The following STK3 variants were observed in gnomAD, a reference collection of about 807,000 sequenced individuals.
STK3 encodes serine/threonine kinase 3.
Under a neutral mutation model 58.0 loss-of-function variants are expected in STK3, and 41 were observed. That is an observed-to-expected ratio of 0.71 (90% CI 0.55 to 0.92). STK3 has a LOEUF of 0.92. Among genes scored for constraint, STK3 ranks in the 40% least tolerant of loss-of-function variants. STK3 has a pLI of 0.00. For synonymous variants in STK3, 170 were observed against 191.0 expected, an observed-to-expected ratio of 0.89 and a Z score of 0.91; for missense variants, 479 against 602.7, an observed-to-expected ratio of 0.79 and a Z score of 2.15.
intron 6 of STK3, among the ~76,000 whole-genome samples, chr8:98,662,802 T>C (rs1372254545): frequency 6.6e-6 from 1 of 152,030 alleles, no homozygotes; most frequent in Non-Finnish European, 1.5e-5. Context: ...ATTAGGTATA[T>C]CTCCTAATGC....
rs1054353059 is a variant in STK3 at position 98,598,875 on chromosome 8, A to G, written c.685-2706T>C. On this transcript the variant is annotated intron_variant, in intron 6 of 10. Coordinates refer to ENST00000419617, the MANE Select transcript of STK3 (RefSeq NM_006281.4). ...TGTTTCTAAAAGAACTACTCTGATC[A>G]CAAGCAGTTTAATAACGCAAGAAAT... 4 of 985,332 alleles carry G rather than the reference A, an allele frequency of 4.1e-6. No homozygotes were observed. The African/African-American group carries it at 7.0e-5, about 17-fold the overall frequency. The allele number at this position is 985,332 out of a possible 1,614,324, so 61.0% of individuals were successfully genotyped here. A position where few individuals can be genotyped will look rare whatever the true frequency, so the allele number is the denominator to read the frequency against.
At position 98,843,056 on chromosome 8, in the gene STK3, G is replaced by C. The variant is rs554113616; in HGVS notation, c.110+40591C>G. 1.5e-4 allele frequency among the ~76,000 whole-genome samples: 22 copies of C among 150,272 alleles called. 1 individual carries two copies. In the Middle Eastern group the frequency reaches 0.021, roughly 146 times the overall value. ...ATAAAGTGGTATTAACTTAGATATA[G>C]ATAAATTAATATATATAATATATAA... On this transcript the variant is annotated intron_variant, in intron 3 of 12. Transcript: ENST00000523601.
intron 6 of STK3, among the ~76,000 whole-genome samples, chr8:98,691,053 T>G (rs1388625796): frequency 6.6e-6 from 1 of 152,110 alleles, no homozygotes; most frequent in African/African-American, 2.4e-5. Flanking sequence ...CGCTAGGAAC[T>G]CTAAAAGGAA....
rs192049216 is a variant in STK3 at position 98,842,538 on chromosome 8, C to T, written c.110+41109G>A. Among the ~76,000 whole-genome samples, 1,366 of 151,532 alleles carry T rather than the reference C, an allele frequency of 9.0e-3. 12 individuals carry two copies. The highest frequency in any genetic ancestry group is 0.03 in the African/African-American group (1,245 of 41,282). The stretch of plus-strand genomic sequence containing the variant: ...AAAAAAATGCAAAAAATTAGCTGGG[C>T]GTGGTGGCATGCGCCTGTAGTCCCA... On this transcript the variant is annotated intron_variant, in intron 3 of 12. Coordinates refer to the STK3 transcript ENST00000523601.
At chr8:98,554,316 A>G (rs961456469) in intron 8 of STK3, among the ~76,000 whole-genome samples, 2 of 152,168 alleles carry the variant, frequency 1.3e-5, no homozygotes, top group African/African-American at 4.8e-5. Flanking sequence ...TTCCCAAAAC[A>G]CTAACTCTAT....
chr8:98,614,643 C>G (rs1190945451), intron 6 of STK3, among the ~76,000 whole-genome samples: 1 of 152,304 alleles, frequency 6.6e-6, no homozygotes, highest in African/African-American at 2.4e-5. Context: ...ATTGCCTCAC[C>G]TGGGAAGCGC....
At chr8:98,855,890 T>A (rs1390649759) in intron 3 of STK3, among the ~76,000 whole-genome samples, 1 of 151,810 alleles carries the variant, frequency 6.6e-6, no homozygotes, top group South Asian at 2.1e-4. Context: ...GGCATGGTGG[T>A]TCACGCCTGT....
chr8:98,715,559 A>G (rs1413152435), intron 4 of STK3, among the ~76,000 whole-genome samples: 1 of 152,250 alleles, frequency 6.6e-6, no homozygotes, highest in Non-Finnish European at 1.5e-5. Flanking sequence ...CATCAGAGAA[A>G]TGCAAATCAA....
At position 98,583,306 on chromosome 8, in the gene STK3, G is replaced by A. The variant is rs1354647490; in HGVS notation, c.823-3517C>T. 1.6e-4 allele frequency among the ~76,000 whole-genome samples: 24 copies of A among 152,100 alleles called. 1 individual carries two copies. ...AGAATCATGGGAGCGAGGGCAGAGG[G>A]TTACTTCTAAATATTCAAATTCTCG... On this transcript the variant is annotated intron_variant, in intron 7 of 10. Coordinates refer to ENST00000419617, the MANE Select transcript of STK3 (RefSeq NM_006281.4).
At chr8:98,401,621 A>T (rs1286507262) in intron 3 of STK3, 6 of 152,330 alleles carry the variant, frequency 3.9e-5, no homozygotes, top group African/African-American at 1.2e-4. Flanking sequence ...CATATCCCAC[A>T]ACAACAATCA....
At chr8:98,926,247 G>A (rs763691572) in intron 1 of STK3, among the ~76,000 whole-genome samples, 7 of 152,082 alleles carry the variant, frequency 4.6e-5, no homozygotes, top group South Asian at 2.1e-4. Context: ...GTTTCTTTTC[G>A]TGATATTTAT....
intron 6 of STK3, among the ~76,000 whole-genome samples, chr8:98,614,659 G>C (rs924970696): frequency 1.1e-4 from 16 of 152,340 alleles, no homozygotes; most frequent in African/African-American, 3.8e-4. Flanking sequence ...AGCGCAAGGG[G>C]TCAGGGAGTT....
intron 1 of STK3, among the ~76,000 whole-genome samples, chr8:98,925,644 A>G (rs1047403356): frequency 2.0e-5 from 3 of 152,068 alleles, no homozygotes; most frequent in African/African-American, 7.2e-5. Flanking sequence ...TTTCATCTGA[A>G]AGTTGTATTG....
chr8:98,901,049 T>C (rs1838638840), intron 1 of STK3, among the ~76,000 whole-genome samples: 1 of 152,264 alleles, frequency 6.6e-6, no homozygotes, highest in Admixed American at 6.5e-5. Context: ...ATCCTATTTA[T>C]GCTTAGCATC....
intron 4 of STK3, among the ~76,000 whole-genome samples, chr8:98,715,484 C>A (rs1431158993): frequency 6.6e-6 from 1 of 151,832 alleles, no homozygotes; most frequent in African/African-American, 2.4e-5. Context: ...TATGAACAGA[C>A]ACTTCTCAAA....
At chr8:98,713,136 T>G (rs1356991802) in intron 4 of STK3, among the ~76,000 whole-genome samples, 2 of 152,044 alleles carry the variant, frequency 1.3e-5, no homozygotes, top group Non-Finnish European at 2.9e-5. Flanking sequence ...TTCAAAGCAG[T>G]GTGTAGAGGG....
intron 1 of STK3, among the ~76,000 whole-genome samples, chr8:98,821,038 T>C (rs1834864671): frequency 6.6e-6 from 1 of 152,042 alleles, no homozygotes; most frequent in South Asian, 2.1e-4. Context: ...AAATGCTAAT[T>C]AATGATCATT....
chr8:98,675,637 T>G (rs2130865591), intron 6 of STK3, among the ~76,000 whole-genome samples: 1 of 151,594 alleles, frequency 6.6e-6, no homozygotes, highest in East Asian at 1.9e-4. Context: ...CCGAGGTGGG[T>G]GGATCACGAG....
At chr8:98,696,526 G>A (rs1468264973) in intron 6 of STK3, among the ~76,000 whole-genome samples, 3 of 151,986 alleles carry the variant, frequency 2.0e-5, no homozygotes, top group African/African-American at 4.8e-5. Flanking sequence ...TTTGAGATAC[G>A]TCCCATCAAT....
Sources: allele counts gnomAD v4.1 joint callset (sites outside exome capture counted in the v4.1 genomes callset), GRCh38; gene constraint gnomAD v4.1.1; transcripts MANE v1.5; gene names NCBI Gene and HGNC (gene_info 2026-07-23, HGNC 2026-07-21).